Variants in SLC2A3 observed in about 807,000 individuals in gnomAD.
SLC2A3 encodes the protein solute carrier family 2 member 3, also known as solute carrier family 2, facilitated glucose transporter member 3.
SLC2A3 carries 21 observed loss-of-function variants against 46.4 expected under a neutral mutation model. The observed-to-expected ratio is 0.45, with a 90% confidence interval of 0.32 to 0.65. SLC2A3 has a LOEUF of 0.65. SLC2A3 is among the 30% of genes least tolerant of loss of function. SLC2A3 has a pLI of 0.04. For synonymous variants in SLC2A3, 213 were observed against 239.4 expected (o/e 0.89, Z 1.02); for missense variants, 499 against 623.3 (o/e 0.80, Z 2.12).
chr12:7,928,635 T>C (rs1403374775), intron 6 of SLC2A3, among the ~76,000 whole-genome samples: 6 of 152,070 alleles, frequency 3.9e-5, no homozygotes, highest in African/African-American at 1.2e-4. Flanking sequence ...GAGGTGCTCA[T>C]TCTCAGGGCT....
chr12:7,924,316 C>T, intron 8 of SLC2A3, 94 bp downstream of exon 8: 6 of 1,538,526 alleles, frequency 3.9e-6, no homozygotes, highest in Non-Finnish European at 5.3e-6. Flanking sequence ...TATTGACAAA[C>T]TGCAACCTTA....
chr12:7,924,127 C>T (rs1946069910), intron 8 of SLC2A3, among the ~76,000 whole-genome samples: 1 of 152,034 alleles, frequency 6.6e-6, no homozygotes, highest in South Asian at 2.1e-4. Context: ...TGTACTGAGA[C>T]CATGTCATCA....
At chr12:7,933,177 A>G in intron 2 of SLC2A3, 30 bp from the exon 3 acceptor site, 1 of 1,610,180 alleles carries the variant, frequency 6.2e-7, no homozygotes, top group Non-Finnish European at 8.5e-7. Flanking sequence ...GTGGAAGAAC[A>G]GACTGTTACA....
In SLC2A3 at chr12:7,921,603, A is replaced by G. The variant is rs1189737471; in HGVS notation, c.1301T>C (p.Ile434Thr). 1.2e-6 allele frequency: 2 copies of G among 1,613,850 alleles called. No homozygotes were observed. Among genetic ancestry groups the G allele is most frequent in the East Asian group, 2.2e-5 (1 of 44,900 alleles). The change falls in exon 10 of 10, where the codon ATC becomes ACC. Residue 434 changes from isoleucine (I) to threonine (T), a missense_variant. Around this residue, in one of 5 missense-constraint regions of SLC2A3, gnomAD observed 179 missense variants for 205.1 expected, o/e 0.87. Coordinates refer to ENST00000075120, the MANE Select transcript of SLC2A3 (RefSeq NM_006931.3). Reference protein sequence around the residue: ...AHYLGAYVFIIFTGFLITFLA... With the variant: ...AHYLGAYVFITFTGFLITFLA... ...GAAGGTAATGAGGAAGCCGGTGAAGATAATAAAAACGTAGGCTCCTAAATA... is the reference window on the plus strand; with the variant it reads ...GAAGGTAATGAGGAAGCCGGTGAAGGTAATAAAAACGTAGGCTCCTAAATA...
intron 1 of SLC2A3, 143 bp from the exon 2 acceptor site, chr12:7,934,045 T>TG: frequency 1.4e-6 from 1 of 706,304 alleles, no homozygotes; most frequent in Non-Finnish European, 2.3e-6. Flanking sequence ...AGGTAATTAA[T>TG]GGGGAAGACA....
At chr12:7,934,036 G>A (rs1447780492) in intron 1 of SLC2A3, 134 bp from the exon 2 acceptor site, 3 of 744,402 alleles carry the variant, frequency 4.0e-6, no homozygotes, top group East Asian at 2.7e-5. Context: ...ATGAGATTTA[G>A]GTAATTAATG....
chr12:7,929,771 T>G lies in SLC2A3; in HGVS notation c.774A>C (p.Leu258=), dbSNP rs17847967. Reference sequence around the variant, plus strand: ...GGTAGCTGGACACTCTAAAGAGCTCTAGCACGGTGACTTGCTTTTCTTGTG... The same window carrying G: ...GGTAGCTGGACACTCTAAAGAGCTCGAGCACGGTGACTTGCTTTTCTTGTG... The part of the protein sequence containing the change: ...RMSQEKQVTV[L]ELFRVSSYRQ... The change falls in exon 6 of 10, where the codon CTA becomes CTC. Residue 258 remains leucine, a synonymous_variant. Transcript: ENST00000075120. The G allele has an allele frequency of 6.6e-7, 1 of 1,524,658 alleles. No individual in the cohort carries two copies. The highest frequency in any genetic ancestry group is 9.0e-7 in the Non-Finnish European group (1 of 1,114,118). The allele number at this position is 1,524,658 out of a possible 1,614,324, so 94.4% of individuals were successfully genotyped here.
At chr12:7,921,860 T>C (rs1159478797) in intron 9 of SLC2A3, among the ~76,000 whole-genome samples, 1 of 152,130 alleles carries the variant, frequency 6.6e-6, no homozygotes, top group African/African-American at 2.4e-5. Flanking sequence ...TCCAAATGTC[T>C]ACTGAGTATT....
intron 4 of SLC2A3, 50 bp from the exon 5 acceptor site, chr12:7,930,692 C>T (rs768630504): frequency 4.6e-6 from 7 of 1,525,868 alleles, no homozygotes; most frequent in Non-Finnish European, 6.2e-6. Context: ...TCACAGGCCA[C>T]AAGTTCATTA....
Position 7,921,466 on chromosome 12 carries a change from C to A in SLC2A3, c.1438G>T (p.Val480Phe), listed in dbSNP as rs115853829. 1.2e-3 allele frequency: 1,952 copies of A among 1,613,962 alleles called. 20 individuals carry two copies. In the African/African-American group the frequency reaches 0.023, roughly 19 times the overall value. The change falls in exon 10 of 10, where the codon GTC (valine) becomes TTC (phenylalanine). Residue 480 changes from valine (V) to phenylalanine (F), a missense_variant. Transcript: ENST00000075120. ...HGADRSGKDGVMEMNSIEPAK... is the reference protein window; with the variant it reads ...HGADRSGKDGFMEMNSIEPAK... ...GGCTCGATGCTGTTCATCTCCATGA[C>A]GCCGTCCTTTCCAGATCTATCTGCA...
At chr12:7,930,335 A>G (rs1344881222) in intron 5 of SLC2A3, 145 bp downstream of exon 5, 12 of 883,766 alleles carry the variant, frequency 1.4e-5, no homozygotes, top group Non-Finnish European at 1.9e-5. Context: ...GGGGCTGAAA[A>G]TTTTACTCAG....
At chr12:7,934,840 G>A (rs908391825) in intron 1 of SLC2A3, among the ~76,000 whole-genome samples, 3 of 152,122 alleles carry the variant, frequency 2.0e-5, no homozygotes, top group East Asian at 1.9e-4. Context: ...GCTAAGCATC[G>A]GTACCCCGGA....
chr12:7,923,119 C>G, intron 8 of SLC2A3, 95 bp from the exon 9 acceptor site: 1 of 1,163,810 alleles, frequency 8.6e-7, no homozygotes, highest in South Asian at 1.6e-5. Context: ...TCCTCCTGTC[C>G]CTGACGTACA....
At chr12:7,930,443 C>G in intron 5 of SLC2A3, 37 bp downstream of exon 5, 1 of 1,590,414 alleles carries the variant, frequency 6.3e-7, no homozygotes, top group Non-Finnish European at 8.6e-7. Flanking sequence ...AAACCACAAC[C>G]ATATAATTCA....
At chr12:7,932,228 G>T (rs1946163783) in intron 3 of SLC2A3, among the ~76,000 whole-genome samples, 1 of 151,340 alleles carries the variant, frequency 6.6e-6, no homozygotes, top group South Asian at 2.1e-4. Context: ...CTGGTGTGAA[G>T]TGGCCAGATC....
chr12:7,930,536 G>A lies in SLC2A3; in HGVS notation c.617C>T (p.Pro206Leu), dbSNP rs776668077. The A allele has an allele frequency of 8.7e-6, 14 of 1,613,776 alleles. No individual in the cohort carries two copies. The highest frequency in any genetic ancestry group is 1.2e-5 in the Non-Finnish European group (14 of 1,179,906). Residue 206 changes from proline to leucine, a missense_variant, in exon 5 of 10, where the codon CCT (proline) becomes CTT (leucine). Around this residue, in one of 5 missense-constraint regions of SLC2A3, gnomAD observed 248 missense variants for 284.0 expected, o/e 0.87. Coordinates refer to ENST00000075120, the MANE Select transcript of SLC2A3 (RefSeq NM_006931.3). ...ILQSAALPFC[P>L]ESPRFLLINR... ...AATGAGCAAAAATCTGGGACTTTCA[G>A]GGCAAAATGGAAGGGCTGCACTTTG...
In SLC2A3 at chr12:7,919,897, C is replaced by A. The variant is rs1195763921; in HGVS notation, c.*1516G>T. 1 of 152,212 alleles carries A rather than the reference C, an allele frequency of 6.6e-6. No individual in the cohort carries two copies. The highest frequency in any genetic ancestry group is 1.5e-5 in the Non-Finnish European group (1 of 68,118). The allele number at this position is 152,212 out of a possible 1,614,324, so 9.4% of individuals were successfully genotyped here. A position where few individuals can be genotyped will look rare whatever the true frequency, so the allele number is the denominator to read the frequency against. On this transcript the variant is annotated 3_prime_UTR_variant, in exon 10 of 10. Transcript: ENST00000075120. The stretch of plus-strand genomic sequence containing the variant: ...AGGAACAAACACAGAGAAAATAAGT[C>A]AACAATAACGTACTTCCACCCAGAG...
intron 3 of SLC2A3, 72 bp downstream of exon 3, chr12:7,932,915 G>A: frequency 1.3e-6 from 2 of 1,582,848 alleles, no homozygotes; most frequent in South Asian, 1.1e-5. Flanking sequence ...TCACCTCCCT[G>A]CCCTAACTCT....
chr12:7,926,009 T>G, intron 6 of SLC2A3, 61 bp from the exon 7 acceptor site: 1 of 1,426,512 alleles, frequency 7.0e-7, no homozygotes, highest in South Asian at 1.2e-5. Flanking sequence ...CACAGAACCC[T>G]CAAAAATAAA....
Sources: gnomAD v4.1 joint callset for allele counts (sites outside exome capture counted in the v4.1 genomes callset) on GRCh38, gnomAD v4.1.1 for gene constraint, gnomAD v4.1.1 regional missense constraint, MANE v1.5 for transcripts, NCBI Gene and HGNC (gene_info 2026-07-23, HGNC 2026-07-21) for gene names.